VCF1: variants seen among roughly 807,000 people sequenced by gnomAD.
The protein encoded by VCF1 is protein VCF1.
the VCF1 span, among the ~76,000 whole-genome samples, chr17:73,224,945 C>CAGGACAGG: frequency 1.8e-5 from 2 of 110,312 alleles, no homozygotes; most frequent in African/African-American, 3.2e-5. Context: ...CACAGCACAG[C>CAGGACAGG]ACAGCACAGG....
chr17:73,213,468 A>T, the VCF1 span, among the ~76,000 whole-genome samples: 1 of 152,322 alleles, frequency 6.6e-6, no homozygotes, highest in South Asian at 2.1e-4. Context: ...TAAGCAGTAT[A>T]TATAGTATAT....
chr17:73,230,029 G>A, the VCF1 span, among the ~76,000 whole-genome samples: 1 of 151,418 alleles, frequency 6.6e-6, no homozygotes, highest in Admixed American at 6.6e-5. Context: ...TGGTGAGGTG[G>A]CTCACATCTG....
the VCF1 span, among the ~76,000 whole-genome samples, chr17:73,219,597 C>T: frequency 2.7e-5 from 4 of 150,132 alleles, no homozygotes; most frequent in Non-Finnish European, 5.9e-5. Flanking sequence ...TTGCAGTGAG[C>T]GGAGATCACA....
the VCF1 span, among the ~76,000 whole-genome samples, chr17:73,219,892 C>T: frequency 6.6e-6 from 1 of 151,614 alleles, no homozygotes; most frequent in Non-Finnish European, 1.5e-5. Flanking sequence ...GGAGGATCAC[C>T]TGAGCCTGGG....
the VCF1 span, chr17:73,207,782 A>T: frequency 2.4e-3 from 3,055 of 1,289,034 alleles, 67 homozygotes; most frequent in African/African-American, 0.042. Flanking sequence ...TTGAAAGCTC[A>T]AACAGCTTGT....
At chr17:73,209,634 C>T in the VCF1 span, 1 of 1,561,314 alleles carries the variant, frequency 6.4e-7, no homozygotes, top group Non-Finnish European at 8.7e-7. Context: ...ACTGCTCGGG[C>T]ACGGGCTGAG....
the VCF1 span, among the ~76,000 whole-genome samples, chr17:73,211,177 C>T: frequency 1.3e-5 from 2 of 152,120 alleles, no homozygotes; most frequent in Non-Finnish European, 2.9e-5. Flanking sequence ...GACTGGAGGC[C>T]AGGTGCAGTG....
At chr17:73,212,609 A>C in the VCF1 span, 1 of 1,302,860 alleles carries the variant, frequency 7.7e-7, no homozygotes, top group Non-Finnish European at 1.1e-6. Context: ...ACAATGTAGA[A>C]TGGCCACTTG....
the VCF1 span, among the ~76,000 whole-genome samples, chr17:73,226,511 C>T: frequency 6.6e-6 from 1 of 152,198 alleles, no homozygotes; most frequent in Admixed American, 6.5e-5. Context: ...GTCAAAATCT[C>T]TAGGTGCATA....
chr17:73,209,714 T>G, the VCF1 span: 1 of 1,546,944 alleles, frequency 6.5e-7, no homozygotes. Context: ...CTGTCCGGGC[T>G]ATTGATGCTG....
At chr17:73,227,682 T>A in the VCF1 span, 1 of 985,980 alleles carries the variant, frequency 1.0e-6, no homozygotes, top group Non-Finnish European at 1.2e-6. Context: ...TAAGAGTGGC[T>A]GCCTTTGCCT....
the VCF1 span, chr17:73,207,385 TGGC>T: frequency 2.2e-6 from 2 of 901,806 alleles, no homozygotes; most frequent in Non-Finnish European, 1.8e-6. Flanking sequence ...CTGCTTTTAA[TGGC>T]GGCGCAATAG....
the VCF1 span, chr17:73,208,249 G>A: frequency 2.8e-4 from 456 of 1,609,884 alleles, 2 homozygotes; most frequent in East Asian, 8.5e-3. Flanking sequence ...GGCGTCGCGC[G>A]GAGGGCGAGT....
the VCF1 span, chr17:73,208,351 C>A: frequency 1.9e-6 from 3 of 1,614,062 alleles, no homozygotes; most frequent in Non-Finnish European, 2.5e-6. Flanking sequence ...GGTGACCCGA[C>A]AGTTCCTGGC....
the VCF1 span, among the ~76,000 whole-genome samples, chr17:73,230,676 C>A: frequency 6.6e-6 from 1 of 152,136 alleles, no homozygotes; most frequent in Non-Finnish European, 1.5e-5. Flanking sequence ...GGATTACAGG[C>A]GTGAGCCACC....
At chr17:73,220,894 A>ATT in the VCF1 span, among the ~76,000 whole-genome samples, 877 of 96,644 alleles carry the variant, frequency 9.1e-3, 15 homozygotes, top group Non-Finnish European at 0.011. Flanking sequence ...TTTAATTTAG[A>ATT]TTTTTTTTTT....
the VCF1 span, among the ~76,000 whole-genome samples, chr17:73,212,897 TTTTTTTA>T: frequency 6.6e-6 from 1 of 152,220 alleles, no homozygotes; most frequent in South Asian, 2.1e-4. Context: ...GTACATAATT[TTTTTTTA>T]TTTTTTATTT....
chr17:73,212,606 A>G, the VCF1 span: 1 of 1,288,054 alleles, frequency 7.8e-7, no homozygotes, highest in Non-Finnish European at 1.1e-6. Context: ...ATAACAATGT[A>G]GAATGGCCAC....
chr17:73,213,486 T>C, the VCF1 span, among the ~76,000 whole-genome samples: 1 of 152,224 alleles, frequency 6.6e-6, no homozygotes, highest in Non-Finnish European at 1.5e-5. Context: ...TATCAGTTGA[T>C]TCTTAAAATG....
Sources: gnomAD v4.1 joint callset for allele counts (sites outside exome capture counted in the v4.1 genomes callset) on GRCh38, gnomAD v4.1.1 for gene constraint, MANE v1.5 for transcripts, NCBI Gene and HGNC (gene_info 2026-07-23, HGNC 2026-07-21) for gene names.